The following UGT1A7 variants were observed in gnomAD, a reference collection of about 807,000 sequenced individuals.
UGT1A7 encodes UDP glucuronosyltransferase family 1 member A7.
A neutral mutation model predicts 45.6 loss-of-function variants in UGT1A7; 33 were observed. That is an observed-to-expected ratio of 0.72 (90% CI 0.55 to 0.97). UGT1A7 has a LOEUF of 0.97. Ranked by LOEUF, UGT1A7 falls within the 50% of genes least tolerant of loss-of-function variation. The probability of loss-of-function intolerance (pLI) is 0.00; values close to 1 mark genes in which losing one functional copy is unlikely to be tolerated. For synonymous variants in UGT1A7, 274 were observed against 250.6 expected (o/e 1.09, Z -0.88); for missense variants, 684 against 666.2 (o/e 1.03, Z -0.29).
intron 1 of UGT1A7, among the ~76,000 whole-genome samples, chr2:233,749,817 TTCTC>T (rs1694278787): frequency 1.3e-5 from 2 of 151,900 alleles, no homozygotes; most frequent in Non-Finnish European, 2.9e-5. Flanking sequence ...CTCTTCCTCT[TTCTC>T]TCTTTCATGT....
intron 1 of UGT1A7, among the ~76,000 whole-genome samples, chr2:233,765,985 G>A (rs1019803782): frequency 1.3e-5 from 2 of 152,120 alleles, no homozygotes; most frequent in Admixed American, 6.5e-5. Flanking sequence ...TACAGCTCCT[G>A]AAGCTCCAGT....
intron 1 of UGT1A7, among the ~76,000 whole-genome samples, chr2:233,744,790 T>C (rs989648069): frequency 6.6e-5 from 10 of 152,048 alleles, no homozygotes; most frequent in Admixed American, 2.6e-4. Flanking sequence ...TGAAAAATTC[T>C]TGGGGATCCC....
At chr2:233,753,341 CCTG>C (rs138147580) in intron 1 of UGT1A7, 5,646 of 152,328 alleles carry the variant, frequency 0.037, 136 homozygotes, top group Non-Finnish European at 0.057. Context: ...CTGCCATTTT[CCTG>C]CTGTTTATTA....
At position 233,769,394 on chromosome 2, in the gene UGT1A7, T is replaced by C; in HGVS notation, c.1295+955T>C. On this transcript the variant is annotated intron_variant, in intron 4 of 4. Transcript: ENST00000373426. The surrounding 1 kb of genome is among the most constrained non-coding windows in gnomAD (Gnocchi z 4.4). The stretch of plus-strand genomic sequence containing the variant: ...ATTTCATCCGACAATAGATACTGTG[T>C]GCATATGTGCGTGTGCGTTTGTGCA... 1 of 1,112,930 alleles carries C rather than the reference T, an allele frequency of 9.0e-7. No homozygotes were observed. Among genetic ancestry groups the C allele is most frequent in the South Asian group, 1.4e-5 (1 of 69,644 alleles). 68.9% of individuals were successfully genotyped at this position (1,112,930 alleles called of 1,614,324 possible).
intron 1 of UGT1A7, chr2:233,742,923 T>C (rs1692137211): frequency 5.3e-6 from 1 of 189,486 alleles, no homozygotes; most frequent in Admixed American, 5.4e-5. Context: ...AGTGCTGAAC[T>C]GAACATTCTG....
At position 233,742,072 on chromosome 2, in the gene UGT1A7, G is replaced by A. The variant is rs147639323; in HGVS notation, c.856-24962G>A. The A allele has an allele frequency of 2.6e-5, 4 of 151,962 alleles. 1 individual carries two copies. Among genetic ancestry groups the A allele is most frequent in the African/African-American group, 9.7e-5 (4 of 41,216 alleles). The allele number at this position is 151,962 out of a possible 1,614,324, so 9.4% of individuals were successfully genotyped here. ...GGATAGTTCTGTGTGGCCTTATGGA[G>A]ATCCTTTTTTTACATTTCCAGGACC... On this transcript the variant is annotated intron_variant, in intron 1 of 4. Coordinates refer to ENST00000373426, the MANE Select transcript of UGT1A7 (RefSeq NM_019077.3).
At chr2:233,693,427 G>T in intron 1 of UGT1A7, 1 of 1,614,130 alleles carries the variant, frequency 6.2e-7, no homozygotes, top group Non-Finnish European at 8.5e-7. Context: ...TCTTTAAGGA[G>T]AGCAAGTTTG....
At chr2:233,712,288 C>G (rs147382536) in intron 1 of UGT1A7, among the ~76,000 whole-genome samples, 1 of 152,350 alleles carries the variant, frequency 6.6e-6, no homozygotes, top group African/African-American at 2.4e-5. Flanking sequence ...ACCTCTTCTT[C>G]CATGGTGTAG....
intron 1 of UGT1A7, among the ~76,000 whole-genome samples, chr2:233,762,041 G>A (rs938298957): frequency 3.3e-5 from 5 of 152,004 alleles, no homozygotes; most frequent in Non-Finnish European, 7.4e-5. Context: ...TTAATTTTCT[G>A]TGCATTTTCC....
At chr2:233,703,412 A>G (rs1378820860) in intron 1 of UGT1A7, among the ~76,000 whole-genome samples, 1 of 151,566 alleles carries the variant, frequency 6.6e-6, no homozygotes, top group Non-Finnish European at 1.5e-5. Context: ...GGTTTTGTTT[A>G]TTTTTCTCTA....
At chr2:233,760,638 A>G (rs752920136) in intron 1 of UGT1A7, 10 of 1,614,086 alleles carry the variant, frequency 6.2e-6, no homozygotes, top group African/African-American at 1.3e-5. Context: ...AGAAAATAAA[A>G]AAGGACTCTG....
intron 1 of UGT1A7, chr2:233,739,179 C>T (rs1480075812): frequency 1.3e-5 from 2 of 152,348 alleles, no homozygotes; most frequent in East Asian, 3.9e-4. Context: ...TAAGGAAATG[C>T]TTGGATGTCC....
At chr2:233,705,767 T>G (rs886992171) in intron 1 of UGT1A7, among the ~76,000 whole-genome samples, 4 of 152,184 alleles carry the variant, frequency 2.6e-5, no homozygotes, top group South Asian at 2.1e-4. Context: ...CTGCATACTT[T>G]GAGTGTCTTA....
At chr2:233,701,422 T>A (rs141980879) in intron 1 of UGT1A7, among the ~76,000 whole-genome samples, 7,472 of 152,134 alleles carry the variant, frequency 0.049, 251 homozygotes, top group Non-Finnish European at 0.079. Flanking sequence ...ACTGTCAACA[T>A]TAGACAGATC....
At position 233,767,956 on chromosome 2, in the gene UGT1A7, T is replaced by C; in HGVS notation, c.1075+20T>C. The stretch of plus-strand genomic sequence containing the variant: ...TGCTTGGTATGTTGGGCGGATTGGA[T>C]GTATAGGTCAAACCAGGGTCAAATT... On this transcript the variant is annotated intron_variant, in intron 3 of 4. Coordinates refer to ENST00000373426, the MANE Select transcript of UGT1A7 (RefSeq NM_019077.3). 1.9e-6 allele frequency: 3 copies of C among 1,614,192 alleles called. No homozygotes were observed. Among genetic ancestry groups the C allele is most frequent in the Non-Finnish European group, 2.5e-6 (3 of 1,180,026 alleles).
At chr2:233,754,790 T>C (rs1308374413) in intron 1 of UGT1A7, 13 of 1,196,884 alleles carry the variant, frequency 1.1e-5, no homozygotes, top group Non-Finnish European at 1.4e-5. Context: ...AGGAACGAAA[T>C]CCTGTATCAA....
At chr2:233,744,039 G>C (rs1692664122) in intron 1 of UGT1A7, 1 of 770,658 alleles carries the variant, frequency 1.3e-6, no homozygotes, top group Non-Finnish European at 1.8e-6. Flanking sequence ...TTATGACGCA[G>C]CCACATCTCA....
At chr2:233,713,156 C>T in intron 1 of UGT1A7, 1 of 1,614,194 alleles carries the variant, frequency 6.2e-7, no homozygotes. Context: ...ATGCGAGAGG[C>T]CACCAGGTGG....
At chr2:233,756,038 T>C (rs1229247298) in intron 1 of UGT1A7, 1 of 152,242 alleles carries the variant, frequency 6.6e-6, no homozygotes, top group Non-Finnish European at 1.5e-5. Flanking sequence ...ATGTAGCTTC[T>C]GGAAAACTCC....
Sources: gnomAD v4.1 joint callset for allele counts (sites outside exome capture counted in the v4.1 genomes callset) on GRCh38, gnomAD v4.1.1 for gene constraint, Gnocchi (gnomAD v3.1) non-coding constraint, MANE v1.5 for transcripts, NCBI Gene and HGNC (gene_info 2026-07-23, HGNC 2026-07-21) for gene names.